Variants in NT5M observed in about 807,000 individuals in gnomAD.
NT5M encodes the protein 5'(3')-deoxyribonucleotidase, mitochondrial.
A neutral mutation model predicts 22.2 loss-of-function variants in NT5M; 22 were observed. That is an observed-to-expected ratio of 0.99 (90% confidence interval 0.71 to 1.41). The LOEUF (loss-of-function observed/expected upper bound fraction) is 1.41. Among genes scored for constraint, NT5M ranks in the 40% most tolerant of loss-of-function variants. The pLI is 0.00. For missense variants in NT5M, 322 were observed against 314.8 expected (o/e 1.02, Z -0.17); for synonymous variants, 167 against 133.0 (o/e 1.26, Z -1.76).
intron 3 of NT5M, among the ~76,000 whole-genome samples, chr17:17,337,395 C>A (rs1330717453): frequency 6.6e-6 from 1 of 151,068 alleles, no homozygotes; most frequent in Admixed American, 6.6e-5. Flanking sequence ...GTGTGTGCCA[C>A]CAAGCCTAAT....
At chr17:17,329,130 A>G (rs1455737189) in intron 3 of NT5M, among the ~76,000 whole-genome samples, 1 of 151,918 alleles carries the variant, frequency 6.6e-6, no homozygotes, top group Non-Finnish European at 1.5e-5. Flanking sequence ...GGTGCCTGCT[A>G]CCACGCCGAG....
intron 3 of NT5M, among the ~76,000 whole-genome samples, chr17:17,331,854 C>T (rs2049394259): frequency 6.6e-6 from 1 of 150,964 alleles, no homozygotes; most frequent in African/African-American, 2.5e-5. Context: ...GATCTCTGCT[C>T]ACTGCAAGCT....
rs185184325 is a variant in NT5M at position 17,316,469 on chromosome 17, G to A, written c.369-6716G>A. ...TGGCTCGCTGCAACCTTTGCCTCCC[G>A]GGTTCAAGTGATTCTCCTGCCTCAG... On this transcript the variant is annotated intron_variant, in intron 2 of 4. Coordinates refer to ENST00000389022, the MANE Select transcript of NT5M (RefSeq NM_020201.4). Among the ~76,000 whole-genome samples, 511 of 151,834 alleles carry A rather than the reference G, an allele frequency of 3.4e-3. 1 individual carries two copies. The highest frequency in any genetic ancestry group is 0.014 in the Middle Eastern group (4 of 290).
chr17:17,331,807 G>T (rs1239937199), intron 3 of NT5M, among the ~76,000 whole-genome samples: 1 of 150,254 alleles, frequency 6.7e-6, no homozygotes, highest in Non-Finnish European at 1.5e-5. Flanking sequence ...TTGAGATGGA[G>T]TCTCGCTGTG....
In NT5M at chr17:17,344,859, G is replaced by A; in HGVS notation, c.495G>A (p.Lys165=). Reference sequence around the variant, plus strand: ...AGCAGATTGTGCTGACCAGAGACAAGACCGTGGTCTCTGCTGACCTTCTCA... The same window carrying A: ...AGCAGATTGTGCTGACCAGAGACAAAACCGTGGTCTCTGCTGACCTTCTCA... ...FLEQIVLTRD[K]TVVSADLLID... is the part of the protein sequence containing the mutation. Residue 165 remains lysine (K), a synonymous_variant, in exon 4 of 5, where the codon AAG becomes AAA. Coordinates refer to ENST00000389022, the MANE Select transcript of NT5M (RefSeq NM_020201.4). 1 of 1,614,200 alleles carries A rather than the reference G, an allele frequency of 6.2e-7. No individual in the cohort carries two copies. The highest frequency in any genetic ancestry group is 8.5e-7 in the Non-Finnish European group (1 of 1,179,998).
intron 2 of NT5M, among the ~76,000 whole-genome samples, chr17:17,319,798 G>A (rs2049112975): frequency 6.6e-6 from 1 of 152,126 alleles, no homozygotes; most frequent in South Asian, 2.1e-4. Context: ...TCTTGATTGT[G>A]GTGATCTGGG....
chr17:17,346,140 C>G (rs1039379692), intron 4 of NT5M, among the ~76,000 whole-genome samples: 1 of 152,168 alleles, frequency 6.6e-6, no homozygotes, highest in East Asian at 1.9e-4. Context: ...GTACCCACCC[C>G]ACCCCACCCT....
At chr17:17,322,043 A>G (rs1258494568) in intron 2 of NT5M, among the ~76,000 whole-genome samples, 1 of 151,922 alleles carries the variant, frequency 6.6e-6, no homozygotes, top group Non-Finnish European at 1.5e-5. Flanking sequence ...TTAGGAACTG[A>G]GCGACAAGGT....
intron 3 of NT5M, among the ~76,000 whole-genome samples, chr17:17,328,085 A>G (rs2049299772): frequency 6.6e-6 from 1 of 152,242 alleles, no homozygotes. Context: ...TATATCACAC[A>G]GAAATTTGTA....
At chr17:17,322,507 G>A (rs891330310) in intron 2 of NT5M, among the ~76,000 whole-genome samples, 8 of 152,162 alleles carry the variant, frequency 5.3e-5, no homozygotes, top group Admixed American at 2.0e-4. Flanking sequence ...CCAGGGACCC[G>A]GGAGTCTCAC....
chr17:17,306,509 C>T, intron 1 of NT5M, 34 bp from the exon 2 acceptor site: 1 of 1,487,470 alleles, frequency 6.7e-7, no homozygotes, highest in Non-Finnish European at 9.4e-7. Flanking sequence ...GTGCTGAGGA[C>T]CCTGGAAGTA....
chr17:17,318,363 C>G (rs1051198235), intron 2 of NT5M, among the ~76,000 whole-genome samples: 3 of 151,758 alleles, frequency 2.0e-5, no homozygotes, highest in African/African-American at 7.3e-5. Flanking sequence ...ACCTGTAATC[C>G]CAGCTACTTG....
intron 3 of NT5M, among the ~76,000 whole-genome samples, chr17:17,342,282 T>C (rs2049659242): frequency 6.6e-6 from 1 of 152,208 alleles, no homozygotes; most frequent in Admixed American, 6.5e-5. Context: ...ATGTGACCCC[T>C]GATAAGTCAC....
chr17:17,308,968 A>C (rs1232448645), intron 2 of NT5M, among the ~76,000 whole-genome samples: 1 of 152,076 alleles, frequency 6.6e-6, no homozygotes, highest in African/African-American at 2.4e-5. Context: ...CAGCCATTGG[A>C]TATGTATGGA....
chr17:17,333,186 A>G (rs944516517), intron 3 of NT5M, among the ~76,000 whole-genome samples: 7 of 152,184 alleles, frequency 4.6e-5, no homozygotes, highest in African/African-American at 1.4e-4. Flanking sequence ...CTCGTTTCTC[A>G]TTGAGTTGTT....
chr17:17,311,843 C>T (rs531363517), intron 2 of NT5M, among the ~76,000 whole-genome samples: 4 of 152,262 alleles, frequency 2.6e-5, no homozygotes, highest in South Asian at 2.1e-4. Flanking sequence ...CTTGATGTAT[C>T]GTGTTCCTGT....
rs374331781 is a variant in NT5M, at chr17:17,307,387, G to A, written c.368+744G>A. On this transcript the variant is annotated intron_variant, in intron 2 of 4. Coordinates refer to ENST00000389022, the MANE Select transcript of NT5M (RefSeq NM_020201.4). The stretch of plus-strand genomic sequence containing the variant: ...GCCTGTAATCCCAGCACTTTGAGAG[G>A]CCGAGGCAGGTGGATCACCTGAGGT... Among the ~76,000 whole-genome samples the A allele has an allele frequency of 3.3e-5, 5 of 152,302 alleles. No individual in the cohort carries two copies. The East Asian group carries it at 9.7e-4, about 29-fold the overall frequency.
chr17:17,310,992 C>T (rs924663156), intron 2 of NT5M, among the ~76,000 whole-genome samples: 6 of 152,082 alleles, frequency 3.9e-5, no homozygotes, highest in African/African-American at 1.4e-4. Flanking sequence ...AACCCCATCT[C>T]TACTAAAAAT....
chr17:17,330,110 C>T (rs759831277), intron 3 of NT5M, among the ~76,000 whole-genome samples: 41 of 152,054 alleles, frequency 2.7e-4, no homozygotes, highest in Non-Finnish European at 5.6e-4. Context: ...ACCATCTTGG[C>T]TAACACGGTG....
Sources: allele counts gnomAD v4.1 joint callset (sites outside exome capture counted in the v4.1 genomes callset), GRCh38; gene constraint gnomAD v4.1.1; transcripts MANE v1.5; gene names NCBI Gene and HGNC (gene_info 2026-07-23, HGNC 2026-07-21).